BCR: variants seen among roughly 807,000 people sequenced by gnomAD.
The protein encoded by BCR is breakpoint cluster region protein.
A neutral mutation model predicts 138.6 loss-of-function variants in BCR; 58 were observed. The ratio of observed to expected loss-of-function variants is 0.42; its 90% CI spans 0.34 to 0.52. The LOEUF (loss-of-function observed/expected upper bound fraction) is 0.52, where lower values mean the gene tolerates loss of function less well. Among genes scored for constraint, BCR ranks in the 20% least tolerant of loss-of-function variants. BCR has a pLI of 0.06. For missense variants in BCR, 1,599 were observed against 1,727.2 expected, an observed-to-expected ratio of 0.93 and a Z score of 1.32; for synonymous variants, 786 against 730.1, an observed-to-expected ratio of 1.08 and a Z score of -1.23.
Position 23,295,167 on chromosome 22 carries a change from AT to A in BCR, c.3012+13del. ...AGGGCCAGGTCCAGGTGAGGCAGCC[AT>A]CCCTACCCTCCCCTGCCCGATGCAT... On this transcript the variant is annotated intron_variant, in intron 16 of 22. Transcript: ENST00000305877. 1 of 1,613,088 alleles carries A rather than the reference AT, an allele frequency of 6.2e-7. No individual in the cohort carries two copies. The highest frequency in any genetic ancestry group is 8.5e-7 in the Non-Finnish European group (1 of 1,179,392).
At chr22:23,268,644 G>T in intron 5 of BCR, 129 bp downstream of exon 5, 1 of 848,518 alleles carries the variant, frequency 1.2e-6, no homozygotes, top group Non-Finnish European at 1.9e-6. Flanking sequence ...GATTCTGTTG[G>T]GTTCGTTGCG....
chr22:23,266,188 G>A (rs563258157), intron 4 of BCR, among the ~76,000 whole-genome samples: 2 of 152,092 alleles, frequency 1.3e-5, no homozygotes, highest in East Asian at 1.9e-4. Context: ...GGGTTCAGGC[G>A]ATTCTCCTGC....
chr22:23,302,289 G>T (rs564519774), intron 16 of BCR: 4 of 152,828 alleles, frequency 2.6e-5, no homozygotes, highest in African/African-American at 9.6e-5. Context: ...GACTCCTGCT[G>T]CCCACAGACA....
intron 1 of BCR, among the ~76,000 whole-genome samples, chr22:23,197,333 A>G (rs2072496518): frequency 6.6e-6 from 1 of 152,110 alleles, no homozygotes; most frequent in Non-Finnish European, 1.5e-5. Context: ...TGAAGATGAC[A>G]TTGCCTAATG....
intron 8 of BCR, among the ~76,000 whole-genome samples, chr22:23,274,498 G>A (rs887832648): frequency 1.3e-5 from 2 of 152,230 alleles, no homozygotes; most frequent in African/African-American, 4.8e-5. Flanking sequence ...GCTTTTGTCA[G>A]AAGCAGCACT....
At position 23,182,182 on chromosome 22, in the gene BCR, C is replaced by G; in HGVS notation, c.1222C>G (p.Arg408Gly). ...GTCCGAGGCCACCATCGTGGGCGTC[C>G]GCAAGACCGGGCAGATCTGGCCCAA... ...VVSEATIVGV[R>G]KTGQIWPNDG... The change falls in exon 1 of 23, where the codon CGC becomes GGC. Residue 408 changes from arginine (R) to glycine (G), a missense_variant. Around this residue, in one of 4 missense-constraint regions of BCR, gnomAD observed 806 missense variants for 635.0 expected, o/e 1.27. Transcript: ENST00000305877. 3 of 1,601,884 alleles carry G rather than the reference C, an allele frequency of 1.9e-6. No individual in the cohort carries two copies. Among genetic ancestry groups the G allele is most frequent in the Non-Finnish European group, 2.5e-6 (3 of 1,178,260 alleles).
At position 23,182,239 on chromosome 22, in the gene BCR, G is replaced by GGTGAGTTCCTCACGCCACGTGC; in HGVS notation, c.1279+4_1279+25dup. The GGTGAGTTCCTCACGCCACGTGC allele has an allele frequency of 6.4e-7, 1 of 1,560,940 alleles. No homozygotes were observed. Among genetic ancestry groups the GGTGAGTTCCTCACGCCACGTGC allele is most frequent in the Middle Eastern group, 1.7e-4 (1 of 5,948 alleles). ...CGAGGGCGCCTTCCATGGAGACGCAGGTGAGTTCCTCACGCCACGTGCGTG... is the reference window on the plus strand; with the variant it reads ...CGAGGGCGCCTTCCATGGAGACGCAGGTGAGTTCCTCACGCCACGTGCGTGAGTTCCTCACGCCACGTGCGTG... On this transcript the variant is annotated frameshift_variant and splice_region_variant. Coordinates refer to ENST00000305877, the MANE Select transcript of BCR (RefSeq NM_004327.4). LOFTEE classifies it high-confidence loss of function.
At chr22:23,209,925 C>G (rs1410311009) in intron 1 of BCR, among the ~76,000 whole-genome samples, 1 of 152,172 alleles carries the variant, frequency 6.6e-6, no homozygotes, top group African/African-American at 2.4e-5. Flanking sequence ...CCACTGCGCC[C>G]CTACTCAATG....
intron 1 of BCR, among the ~76,000 whole-genome samples, chr22:23,238,108 TGAAAC>T (rs1204963316): frequency 4.6e-5 from 7 of 151,984 alleles, no homozygotes; most frequent in Non-Finnish European, 1.0e-4. Context: ...CATTGAGAGA[TGAAAC>T]GAGGAGTTTC....
chr22:23,222,242 T>G (rs939161925), intron 1 of BCR, among the ~76,000 whole-genome samples: 2 of 152,218 alleles, frequency 1.3e-5, no homozygotes, highest in Admixed American at 6.5e-5. Flanking sequence ...CAGCACGTAG[T>G]AGGTGCTCAG....
chr22:23,216,808 TGTG>T lies in BCR; in HGVS notation c.1279+34572_1279+34574del, dbSNP rs1657204396. 6.6e-5 allele frequency among the ~76,000 whole-genome samples: 10 copies of T among 152,328 alleles called. No homozygotes were observed. In the South Asian group the frequency reaches 2.1e-3, roughly 32 times the overall value. ...CGGAAGGCTGAGACCTCTCTCTCCT[TGTG>T]GTCCGTCATTGTTCTGCAGTGAAGC... On this transcript the variant is annotated intron_variant, in intron 1 of 22. Coordinates refer to ENST00000305877, the MANE Select transcript of BCR (RefSeq NM_004327.4).
At chr22:23,278,422 G>C (rs1263089003) in intron 8 of BCR, among the ~76,000 whole-genome samples, 1 of 152,182 alleles carries the variant, frequency 6.6e-6, no homozygotes, top group East Asian at 1.9e-4. Flanking sequence ...TCTTTCAGTT[G>C]ATGATTAAAG....
intron 1 of BCR, among the ~76,000 whole-genome samples, chr22:23,229,281 G>A (rs1213733963): frequency 6.6e-6 from 1 of 152,054 alleles, no homozygotes. Flanking sequence ...TCTTCTTAGA[G>A]CATGGTTATA....
intron 21 of BCR, 92 bp downstream of exon 21, chr22:23,314,165 C>A: frequency 9.6e-7 from 1 of 1,038,350 alleles, no homozygotes; most frequent in Non-Finnish European, 1.5e-6. Context: ...CACCGAGGAC[C>A]TTTTCTCCTG....
chr22:23,264,244 TCCCGCTGACGTCGA>T lies in BCR; in HGVS notation c.1752+2710_1752+2723del. ...CACCAAAGGGCCTGCCCGCACACCT[TCCCGCTGACGTCGA>T]CCCGCCTCGGCAGCCCTGTGTACTG... On this transcript the variant is annotated intron_variant, in intron 4 of 22. Coordinates refer to ENST00000305877, the MANE Select transcript of BCR (RefSeq NM_004327.4). 3 of 984,226 alleles carry T rather than the reference TCCCGCTGACGTCGA, an allele frequency of 3.0e-6. No individual in the cohort carries two copies. In the South Asian group the frequency reaches 3.8e-5, roughly 13 times the overall value. The allele number at this position is 984,226 out of a possible 1,614,324, so 61.0% of individuals were successfully genotyped here. A position where few individuals can be genotyped will look rare whatever the true frequency, so the allele number is the denominator to read the frequency against.
Position 23,181,749 on chromosome 22 carries a change from C to T in BCR, c.789C>T (p.Ala263=). 1 of 1,604,840 alleles carries T rather than the reference C, an allele frequency of 6.2e-7. No individual in the cohort carries two copies. Among genetic ancestry groups the T allele is most frequent in the Non-Finnish European group, 8.5e-7 (1 of 1,179,966 alleles). ...PRFLKDNLID[A]NGGSRPPWPP... Reference sequence around the variant, plus strand: ...TCCTGAAGGACAACCTGATCGACGCCAATGGCGGTAGCAGGCCCCCTTGGC... The same window carrying T: ...TCCTGAAGGACAACCTGATCGACGCTAATGGCGGTAGCAGGCCCCCTTGGC... The change falls in exon 1 of 23, where the codon GCC becomes GCT. Residue 263 remains alanine, a synonymous_variant. Transcript: ENST00000305877.
chr22:23,297,204 G>GTTTTTTTTTTTT (rs1568979500), intron 16 of BCR, among the ~76,000 whole-genome samples: 8 of 124,150 alleles, frequency 6.4e-5, no homozygotes, highest in African/African-American at 2.8e-4. Context: ...GCCTGGCTAA[G>GTTTTTTTTTTTT]TTGTTTTTTG....
At chr22:23,183,038 C>T (rs539003494) in intron 1 of BCR, among the ~76,000 whole-genome samples, 1 of 152,374 alleles carries the variant, frequency 6.6e-6, no homozygotes, top group East Asian at 1.9e-4. Flanking sequence ...CCTGCTGCCT[C>T]ATCTTGCCAA....
Position 23,289,536 on chromosome 22 carries a change from G to T in BCR, c.2622G>T (p.Leu874=). 1 of 1,614,184 alleles carries T rather than the reference G, an allele frequency of 6.2e-7. No homozygotes were observed. The highest frequency in any genetic ancestry group is 8.5e-7 in the Non-Finnish European group (1 of 1,180,010). ...TCCCAGGTTTCAGAAGCTTCTCCCT[G>T]ACATCCGTGGAGCTGCAGATGCTGA... ...QQKKCFRSFS[L]TSVELQMLTN... Residue 874 remains leucine (L), a synonymous_variant, in exon 13 of 23, where the codon CTG becomes CTT. Transcript: ENST00000305877.
Sources: allele counts gnomAD v4.1 joint callset (sites outside exome capture counted in the v4.1 genomes callset), GRCh38; gene constraint gnomAD v4.1.1; regional missense constraint gnomAD v4.1.1; transcripts MANE v1.5; gene names NCBI Gene and HGNC (gene_info 2026-07-23, HGNC 2026-07-21).